Variants in TRABD2A observed in about 807,000 individuals in gnomAD.
TRABD2A encodes the protein metalloprotease TIKI1.
A neutral mutation model predicts 45.6 loss-of-function variants in TRABD2A; 43 were observed. The observed-to-expected ratio is 0.94, with a 90% CI of 0.74 to 1.22. The LOEUF is 1.22. Ranked by LOEUF, TRABD2A falls within the 50% of genes most tolerant of loss-of-function variation. The pLI is 0.00. For synonymous variants in TRABD2A, 269 were observed against 265.0 expected (o/e 1.02, Z -0.15); for missense variants, 642 against 652.4 (o/e 0.98, Z 0.17).
chr2:84,869,623 C>T (rs962076099), intron 2 of TRABD2A, among the ~76,000 whole-genome samples: 1 of 152,184 alleles, frequency 6.6e-6, no homozygotes, highest in African/African-American at 2.4e-5. Context: ...GTGGCATCCA[C>T]ATGTCCACAA....
intron 5 of TRABD2A, among the ~76,000 whole-genome samples, chr2:84,824,997 T>G (rs1681110554): frequency 6.6e-6 from 1 of 152,196 alleles, no homozygotes; most frequent in African/African-American, 2.4e-5. Flanking sequence ...TAAGCTACTA[T>G]AAGGACCAAG....
intron 2 of TRABD2A, among the ~76,000 whole-genome samples, chr2:84,867,739 G>GA (rs963916554): frequency 2.6e-5 from 4 of 152,020 alleles, no homozygotes; most frequent in Non-Finnish European, 4.4e-5. Context: ...AAATTTACAA[G>GA]AAAAAAACAA....
rs575862484 is a variant in TRABD2A at position 84,844,810 on chromosome 2, C to A, written c.670-2803G>T. 3.3e-5 allele frequency among the ~76,000 whole-genome samples: 5 copies of A among 152,360 alleles called. No individual in the cohort carries two copies. In the East Asian group the frequency reaches 9.6e-4, roughly 29 times the overall value. The stretch of plus-strand genomic sequence containing the variant: ...TCTGTCTCCATCTAACTCATCCAAG[C>A]CAAATCCTCAGTCTGACTGGCTCAC... On this transcript the variant is annotated intron_variant, in intron 2 of 6. Coordinates refer to ENST00000409520, the MANE Select transcript of TRABD2A (RefSeq NM_001277053.2).
At chr2:84,841,016 C>A (rs1681692199) in intron 3 of TRABD2A, among the ~76,000 whole-genome samples, 1 of 152,136 alleles carries the variant, frequency 6.6e-6, no homozygotes, top group Admixed American at 6.5e-5. Context: ...TTAACATAGA[C>A]CTGTACAGCA....
At chr2:84,823,659 T>C (rs972096061) in intron 6 of TRABD2A, among the ~76,000 whole-genome samples, 4 of 152,194 alleles carry the variant, frequency 2.6e-5, no homozygotes, top group African/African-American at 9.7e-5. Context: ...ATATGAAATA[T>C]CTAGTTCTTT....
At chr2:84,838,143 G>A (rs866127587) in intron 4 of TRABD2A, 1 of 688,260 alleles carries the variant, frequency 1.5e-6, no homozygotes, top group Admixed American at 2.4e-5. Flanking sequence ...AGCTTTGGAG[G>A]AACTTTGAAC....
At chr2:84,829,820 T>C (rs1297678009) in intron 5 of TRABD2A, among the ~76,000 whole-genome samples, 1 of 124,308 alleles carries the variant, frequency 8.0e-6, no homozygotes, top group Non-Finnish European at 1.7e-5. Context: ...CACACACAGG[T>C]ACCAAACAAC....
chr2:84,826,555 T>C (rs11684585), intron 5 of TRABD2A, among the ~76,000 whole-genome samples: 27,460 of 152,218 alleles, frequency 0.18, 2,550 homozygotes, highest in African/African-American at 0.24. Context: ...TGTTTTGAGA[T>C]GGAGTCTTGC....
intron 6 of TRABD2A, among the ~76,000 whole-genome samples, chr2:84,822,481 C>T (rs970806104): frequency 6.6e-6 from 1 of 152,186 alleles, no homozygotes; most frequent in African/African-American, 2.4e-5. Flanking sequence ...ATGCAGATTC[C>T]TCCCTGGGTC....
rs773927512 is a variant in TRABD2A at position 84,863,239 on chromosome 2, C to CTTT, written c.669+6983_669+6985dup. Among the ~76,000 whole-genome samples, 427 of 98,114 alleles carry CTTT rather than the reference C, an allele frequency of 4.4e-3. 1 individual carries two copies. Among genetic ancestry groups the CTTT allele is most frequent in the Non-Finnish European group, 5.2e-3 (269 of 51,516 alleles). The allele number at this position is 98,114 out of a possible 152,430, so 64.4% of individuals were successfully genotyped here. ...CCAAAAGGTTAGACTTCATGTGAAT[C>CTTT]TTTTTTTTTTTTTTTTTTTTTTTGA... On this transcript the variant is annotated intron_variant, in intron 2 of 6. Coordinates refer to ENST00000409520, the MANE Select transcript of TRABD2A (RefSeq NM_001277053.2).
chr2:84,875,271 C>T (rs1028974703), intron 1 of TRABD2A, among the ~76,000 whole-genome samples: 2 of 152,228 alleles, frequency 1.3e-5, no homozygotes, highest in Non-Finnish European at 2.9e-5. Flanking sequence ...GTGAAGGAGA[C>T]GAGGGGCCCA....
At chr2:84,860,977 G>T (rs1236377179) in intron 2 of TRABD2A, among the ~76,000 whole-genome samples, 5 of 152,230 alleles carry the variant, frequency 3.3e-5, no homozygotes, top group Non-Finnish European at 7.3e-5. Context: ...TCCAGAAAGG[G>T]AGGTGGGAGC....
At chr2:84,840,393 T>C (rs572845182) in intron 3 of TRABD2A, among the ~76,000 whole-genome samples, 23 of 152,258 alleles carry the variant, frequency 1.5e-4, no homozygotes, top group African/African-American at 5.1e-4. Flanking sequence ...CAGCGTCAGA[T>C]ACACAGGGTG....
chr2:84,829,921 C>CAA (rs1182304312), intron 5 of TRABD2A, among the ~76,000 whole-genome samples: 2 of 150,758 alleles, frequency 1.3e-5, no homozygotes, highest in African/African-American at 2.4e-5. Flanking sequence ...ACTAGATACA[C>CAA]ACCACACAAA....
At chr2:84,873,319 G>C (rs1191535820) in intron 1 of TRABD2A, among the ~76,000 whole-genome samples, 2 of 151,750 alleles carry the variant, frequency 1.3e-5, no homozygotes, top group East Asian at 3.9e-4. Context: ...TACTTAGGAG[G>C]CTGAGGCAGG....
chr2:84,870,204 T>G (rs1407933808), intron 2 of TRABD2A, 21 bp downstream of exon 2: 1 of 1,581,846 alleles, frequency 6.3e-7, no homozygotes, highest in Non-Finnish European at 8.6e-7. Flanking sequence ...CACTAAGTCT[T>G]TTATGCAAAG....
chr2:84,843,444 G>C (rs1055372158), intron 2 of TRABD2A: 14 of 152,242 alleles, frequency 9.2e-5, no homozygotes, highest in Admixed American at 5.2e-4. Context: ...AAGGCTTCCT[G>C]GTTTGCCTCC....
chr2:84,829,045 A>AG (rs1172661531), intron 5 of TRABD2A, among the ~76,000 whole-genome samples: 1 of 152,106 alleles, frequency 6.6e-6, no homozygotes, highest in Non-Finnish European at 1.5e-5. Context: ...TGGGAGGTGG[A>AG]GGGGTCTGTG....
chr2:84,865,575 A>G (rs1682648961), intron 2 of TRABD2A, among the ~76,000 whole-genome samples: 1 of 152,218 alleles, frequency 6.6e-6, no homozygotes, highest in African/African-American at 2.4e-5. Context: ...ATGACAAGAA[A>G]GAGCCCAAGC....
Sources: gnomAD v4.1 joint callset for allele counts (sites outside exome capture counted in the v4.1 genomes callset) on GRCh38, gnomAD v4.1.1 for gene constraint, MANE v1.5 for transcripts, NCBI Gene and HGNC (gene_info 2026-07-23, HGNC 2026-07-21) for gene names.